The following EXOC4 variants were observed in gnomAD, a reference collection of about 807,000 sequenced individuals.
EXOC4 encodes the protein exocyst complex component 4, also known as SEC8-like 1.
A neutral mutation model predicts 107.2 loss-of-function variants in EXOC4; 71 were observed. The ratio of observed to expected loss-of-function variants is 0.66; its 90% CI spans 0.55 to 0.81. The LOEUF is 0.81. Among genes scored for constraint, EXOC4 ranks in the 30% least tolerant of loss-of-function variants. The pLI is 0.00. For missense variants in EXOC4, 1,108 were observed against 1,189.6 expected (o/e 0.93, Z 1.01); for synonymous variants, 456 against 441.2 (o/e 1.03, Z -0.42).
intron 17 of EXOC4, among the ~76,000 whole-genome samples, chr7:134,034,477 G>A (rs981711120): frequency 6.6e-6 from 1 of 152,192 alleles, no homozygotes; most frequent in African/African-American, 2.4e-5. Flanking sequence ...ACCAGGTGGA[G>A]GTAATTGAAT....
At chr7:133,424,394 T>C (rs2150764623) in intron 7 of EXOC4, among the ~76,000 whole-genome samples, 1 of 150,784 alleles carries the variant, frequency 6.6e-6, no homozygotes, top group South Asian at 2.1e-4. Flanking sequence ...ACCGCGAAGG[T>C]CTGCAGCCTC....
At chr7:133,470,021 A>G (rs952228321) in intron 7 of EXOC4, among the ~76,000 whole-genome samples, 15 of 152,210 alleles carry the variant, frequency 9.9e-5, no homozygotes, top group Non-Finnish European at 1.8e-4. Context: ...GGGTGGAATC[A>G]CAGGTTATAA....
chr7:133,388,740 A>AT (rs986418537), intron 7 of EXOC4, among the ~76,000 whole-genome samples: 31 of 152,134 alleles, frequency 2.0e-4, no homozygotes, highest in Non-Finnish European at 4.0e-4. Flanking sequence ...TATTATAATT[A>AT]TTTTTTACAT....
intron 14 of EXOC4, among the ~76,000 whole-genome samples, chr7:133,955,281 T>C (rs546843451): frequency 6.6e-6 from 1 of 152,184 alleles, no homozygotes; most frequent in Non-Finnish European, 1.5e-5. Flanking sequence ...AGTGGGTAAC[T>C]CCTTTCTGTA....
At chr7:133,834,409 G>A (rs957869202) in intron 11 of EXOC4, among the ~76,000 whole-genome samples, 5 of 152,170 alleles carry the variant, frequency 3.3e-5, no homozygotes, top group Admixed American at 6.5e-5. Context: ...ACCGGGATTA[G>A]TTTAGATTGT....
At chr7:133,328,495 G>C (rs960941484) in intron 5 of EXOC4, among the ~76,000 whole-genome samples, 18 of 152,022 alleles carry the variant, frequency 1.2e-4, no homozygotes, top group Non-Finnish European at 1.8e-4. Flanking sequence ...TATTTTGCCT[G>C]TTGATGCAGT....
intron 9 of EXOC4, among the ~76,000 whole-genome samples, chr7:133,554,157 T>C (rs914579217): frequency 1.3e-5 from 2 of 152,110 alleles, no homozygotes; most frequent in Admixed American, 1.3e-4. Flanking sequence ...TTTAGGAAAA[T>C]AGTAACTTTA....
At chr7:133,346,231 C>T (rs1795780790) in intron 5 of EXOC4, among the ~76,000 whole-genome samples, 1 of 152,064 alleles carries the variant, frequency 6.6e-6, no homozygotes, top group African/African-American at 2.4e-5. Flanking sequence ...CCTGTGCTTG[C>T]TGCTTTTAGT....
intron 5 of EXOC4, among the ~76,000 whole-genome samples, chr7:133,349,523 G>A (rs893811625): frequency 1.3e-5 from 2 of 152,092 alleles, no homozygotes; most frequent in African/African-American, 2.4e-5. Context: ...ATATTCCATT[G>A]TATGTATATA....
At chr7:134,086,362 A>G in the EXOC4 span, among the ~76,000 whole-genome samples, 100 of 152,328 alleles carry the variant, frequency 6.6e-4, no homozygotes, top group African/African-American at 2.4e-3. Flanking sequence ...ACAGGTCTCA[A>G]TCAGAACTTT....
At chr7:133,254,615 AC>A (rs1184865114) in intron 1 of EXOC4, among the ~76,000 whole-genome samples, 5 of 152,222 alleles carry the variant, frequency 3.3e-5, no homozygotes, top group Non-Finnish European at 7.3e-5. Flanking sequence ...GGCACGTATT[AC>A]ATATTGAATA....
chr7:133,828,544 C>G (rs1797747357), intron 11 of EXOC4, among the ~76,000 whole-genome samples: 1 of 152,060 alleles, frequency 6.6e-6, no homozygotes, highest in Non-Finnish European at 1.5e-5. Context: ...AGAAACAAGA[C>G]TATCTCAGCT....
At chr7:133,944,074 A>G (rs1800494781) in intron 14 of EXOC4, among the ~76,000 whole-genome samples, 1 of 152,166 alleles carries the variant, frequency 6.6e-6, no homozygotes, top group Non-Finnish European at 1.5e-5. Flanking sequence ...CAGTTCCCCT[A>G]TTGTTAATAT....
At chr7:133,650,793 A>G (rs976150987) in intron 10 of EXOC4, among the ~76,000 whole-genome samples, 10 of 152,140 alleles carry the variant, frequency 6.6e-5, no homozygotes, top group Non-Finnish European at 1.3e-4. Flanking sequence ...CTAACTGTAC[A>G]ATAACTGCAA....
At chr7:133,651,267 C>G (rs184669682) in intron 10 of EXOC4, among the ~76,000 whole-genome samples, 173 of 152,150 alleles carry the variant, frequency 1.1e-3, no homozygotes, top group Non-Finnish European at 8.7e-4. Context: ...AAAATAAAAA[C>G]TCAGAACTGA....
intron 5 of EXOC4, among the ~76,000 whole-genome samples, chr7:133,331,461 C>CTTTTTTTTTT: frequency 1.5e-4 from 13 of 85,534 alleles, no homozygotes; most frequent in Non-Finnish European, 2.5e-4. Flanking sequence ...TTTCTTTTTT[C>CTTTTTTTTTT]TTTTTTTTTT....
the EXOC4 span, among the ~76,000 whole-genome samples, chr7:134,079,914 G>A: frequency 2.5e-4 from 38 of 152,096 alleles, no homozygotes; most frequent in African/African-American, 8.7e-4. Context: ...ACCTAACCCC[G>A]GATGCTAGTC....
chr7:133,777,286 AGAG>A (rs1562992909), intron 10 of EXOC4, among the ~76,000 whole-genome samples: 2,043 of 149,574 alleles, frequency 0.014, 14 homozygotes, highest in Non-Finnish European at 0.021. Context: ...AGAAAGAGAG[AGAG>A]AGAGAGAGAG....
intron 17 of EXOC4, among the ~76,000 whole-genome samples, chr7:134,032,563 G>A (rs1026050139): frequency 6.6e-6 from 1 of 152,216 alleles, no homozygotes; most frequent in Non-Finnish European, 1.5e-5. Context: ...ACAGGAACTA[G>A]CTCAGTCCTG....
Sources: allele counts gnomAD v4.1 joint callset (sites outside exome capture counted in the v4.1 genomes callset), GRCh38; gene constraint gnomAD v4.1.1; transcripts MANE v1.5; gene names NCBI Gene and HGNC (gene_info 2026-07-23, HGNC 2026-07-21).